Variants in MCPH1 observed in about 807,000 individuals in gnomAD.
MCPH1 encodes the protein microcephalin 1, also known as microcephalin.
In MCPH1, 104 loss-of-function variants were observed where a neutral mutation model predicts 84.5. The observed-to-expected ratio is 1.23, with a 90% CI of 1.05 to 1.45. The LOEUF (loss-of-function observed/expected upper bound fraction) is 1.45. MCPH1 is among the 40% of genes most tolerant of loss of function. MCPH1 has a pLI of 0.00. For missense variants in MCPH1, 1,498 were observed against 1,005.7 expected, an observed-to-expected ratio of 1.49 and a Z score of -6.62; for synonymous variants, 514 against 366.8, an observed-to-expected ratio of 1.40 and a Z score of -4.58.
At chr8:6,524,331 G>A (rs1210601022) in intron 12 of MCPH1, among the ~76,000 whole-genome samples, 1 of 152,194 alleles carries the variant, frequency 6.6e-6, no homozygotes, top group African/African-American at 2.4e-5. Flanking sequence ...CACATTAGAA[G>A]CTGGTGAAAT....
At chr8:6,414,572 A>G (rs1798992379) in intron 2 of MCPH1, among the ~76,000 whole-genome samples, 193 bp from the exon 3 acceptor site, 1 of 152,174 alleles carries the variant, frequency 6.6e-6, no homozygotes, top group Non-Finnish European at 1.5e-5. Context: ...GAGGGAGTAG[A>G]TGTGAACTTG....
At chr8:6,504,914 C>A (rs924522674) in intron 12 of MCPH1, among the ~76,000 whole-genome samples, 1 of 151,908 alleles carries the variant, frequency 6.6e-6, no homozygotes, top group Non-Finnish European at 1.5e-5. Context: ...TAAGGGAGGA[C>A]TGCTGTAACC....
chr8:6,429,220 C>G (rs904287359), intron 3 of MCPH1, among the ~76,000 whole-genome samples: 3 of 152,140 alleles, frequency 2.0e-5, no homozygotes, highest in African/African-American at 4.8e-5. Flanking sequence ...TCATGGAAAA[C>G]TTTTTGTTTT....
chr8:6,636,057 G>A (rs1160721605), intron 13 of MCPH1, among the ~76,000 whole-genome samples: 1 of 152,202 alleles, frequency 6.6e-6, no homozygotes, highest in Non-Finnish European at 1.5e-5. Flanking sequence ...TCAGAGTCAC[G>A]GGCAGGCACG....
intron 9 of MCPH1, among the ~76,000 whole-genome samples, chr8:6,469,756 G>T (rs1310487023): frequency 6.6e-6 from 1 of 152,096 alleles, no homozygotes; most frequent in African/African-American, 2.4e-5. Flanking sequence ...TGTTTAACTT[G>T]ACCTATCTTT....
intron 3 of MCPH1, among the ~76,000 whole-genome samples, chr8:6,422,391 A>C (rs1238820865): frequency 1.3e-5 from 2 of 152,352 alleles, no homozygotes; most frequent in Middle Eastern, 3.4e-3. Context: ...GGGAGAGTGC[A>C]GAAACAGAGA....
chr8:6,605,293 C>G (rs1339967117), intron 12 of MCPH1, among the ~76,000 whole-genome samples: 1 of 152,182 alleles, frequency 6.6e-6, no homozygotes, highest in Non-Finnish European at 1.5e-5. Flanking sequence ...TCTCTCCTCC[C>G]TGCCTGTACT....
chr8:6,539,851 T>C (rs1433888595), intron 12 of MCPH1, among the ~76,000 whole-genome samples: 3 of 152,228 alleles, frequency 2.0e-5, no homozygotes, highest in Admixed American at 2.0e-4. Flanking sequence ...CCTCCCAAAG[T>C]GCTAGGATTA....
intron 9 of MCPH1, among the ~76,000 whole-genome samples, chr8:6,456,944 G>C (rs902516532): frequency 6.6e-6 from 1 of 152,078 alleles, no homozygotes; most frequent in Non-Finnish European, 1.5e-5. Flanking sequence ...CATATGAATG[G>C]GAGATGGGTA....
Position 6,505,326 on chromosome 8 carries a change from TACATATAGAA to T in MCPH1, c.2214+5399_2214+5408del, listed in dbSNP as rs1563306109. ...ATGTATATAACATATATATGTTATA[TACATATAGAA>T]AGAATATATATATTCTTTCTATATG... On this transcript the variant is annotated intron_variant, in intron 12 of 13. Coordinates refer to ENST00000344683, the MANE Select transcript of MCPH1 (RefSeq NM_024596.5). Among the ~76,000 whole-genome samples the T allele has an allele frequency of 2.2e-3, 189 of 84,792 alleles. 33 individuals are homozygous for T. Among genetic ancestry groups the T allele is most frequent in the African/African-American group, 0.013 (174 of 13,146 alleles). 55.6% of individuals were successfully genotyped at this position (84,792 alleles called of 152,430 possible). A position where few individuals can be genotyped will look rare whatever the true frequency, so the allele number is the denominator to read the frequency against.
rs1471646973 is a variant in MCPH1, at chr8:6,444,812, C to T, written c.1090C>T (p.His364Tyr). 1 of 1,614,096 alleles carries T rather than the reference C, an allele frequency of 6.2e-7. No individual in the cohort carries two copies. Among genetic ancestry groups the T allele is most frequent in the Non-Finnish European group, 8.5e-7 (1 of 1,180,024 alleles). The change falls in exon 8 of 14, where the codon CAT becomes TAT. Residue 364 changes from histidine (H) to tyrosine (Y), a missense_variant. Coordinates refer to ENST00000344683, the MANE Select transcript of MCPH1 (RefSeq NM_024596.5). ...VKRKRVSHGS[H>Y]SPPKEKCKRK... ...GAGAAAAAGAGTATCACATGGCTCC[C>T]ATTCACCTCCGAAGGAAAAATGCAA...
At chr8:6,454,460 T>C (rs1407635622) in intron 8 of MCPH1, among the ~76,000 whole-genome samples, 2 of 152,166 alleles carry the variant, frequency 1.3e-5, no homozygotes, top group Non-Finnish European at 2.9e-5. Flanking sequence ...GTAGGCAAAC[T>C]GTTTGAAGGA....
intron 4 of MCPH1, among the ~76,000 whole-genome samples, chr8:6,433,782 C>A (rs1159136082): frequency 1.4e-5 from 2 of 147,946 alleles, no homozygotes. Flanking sequence ...CCTTCCCTTT[C>A]CTTCTCTTTT....
chr8:6,635,787 C>T (rs1345294816), intron 13 of MCPH1, among the ~76,000 whole-genome samples: 1 of 152,162 alleles, frequency 6.6e-6, no homozygotes, highest in African/African-American at 2.4e-5. Context: ...TATGTTCCTT[C>T]TCACCTAAAA....
intron 11 of MCPH1, among the ~76,000 whole-genome samples, chr8:6,495,608 A>C (rs1811136732): frequency 6.6e-6 from 1 of 152,246 alleles, no homozygotes. Context: ...TTAAATTAGT[A>C]AAAAGTTAAT....
intron 12 of MCPH1, among the ~76,000 whole-genome samples, chr8:6,540,218 A>C (rs1821294404): frequency 6.6e-6 from 1 of 152,180 alleles, no homozygotes; most frequent in Admixed American, 6.5e-5. Context: ...GTTTTTCCAC[A>C]TATATTCATA....
intron 12 of MCPH1, among the ~76,000 whole-genome samples, chr8:6,536,629 G>C (rs1320114141): frequency 6.6e-6 from 1 of 152,072 alleles, no homozygotes; most frequent in Non-Finnish European, 1.5e-5. Flanking sequence ...AATTTTTAGA[G>C]GTACAGAAAG....
At chr8:6,621,339 C>A (rs1476081850) in intron 12 of MCPH1, 115 bp from the exon 13 acceptor site, 3 of 1,285,100 alleles carry the variant, frequency 2.3e-6, no homozygotes, top group African/African-American at 1.5e-5. Flanking sequence ...AGCATGGCAG[C>A]CTTACATTCA....
intron 9 of MCPH1, among the ~76,000 whole-genome samples, 195 bp downstream of exon 9, chr8:6,455,447 A>G (rs1005721627): frequency 6.6e-6 from 1 of 152,234 alleles, no homozygotes; most frequent in African/African-American, 2.4e-5. Context: ...GTTATTATTG[A>G]TAGAGCAAGC....
Sources: allele counts gnomAD v4.1 joint callset (sites outside exome capture counted in the v4.1 genomes callset), GRCh38; gene constraint gnomAD v4.1.1; transcripts MANE v1.5; gene names NCBI Gene and HGNC (gene_info 2026-07-23, HGNC 2026-07-21).